ZNF611: variants seen among roughly 807,000 people sequenced by gnomAD.
The protein encoded by ZNF611 is zinc finger protein 611.
Under a neutral mutation model 8.9 loss-of-function variants are expected in ZNF611, and 6 were observed. The observed-to-expected ratio is 0.68, with a 90% CI of 0.37 to 1.34. The LOEUF is 1.34. ZNF611 is among the 40% of genes most tolerant of loss of function. The pLI, the probability that ZNF611 is intolerant of heterozygous loss-of-function variation, is 0.02. For synonymous variants in ZNF611, 262 were observed against 279.7 expected (o/e 0.94, Z 0.63); for missense variants, 874 against 841.3 (o/e 1.04, Z -0.48).
At chr19:52,727,488 T>C (rs985271383) in intron 3 of ZNF611, among the ~76,000 whole-genome samples, 7 of 152,194 alleles carry the variant, frequency 4.6e-5, no homozygotes, top group African/African-American at 1.7e-4. Flanking sequence ...TACTTGGTAA[T>C]GGAGGTGACC....
intron 1 of ZNF611, among the ~76,000 whole-genome samples, 159 bp from the exon 2 acceptor site, chr19:52,730,164 C>T (rs1013988087): frequency 1.3e-5 from 2 of 151,876 alleles, no homozygotes; most frequent in African/African-American, 4.8e-5. Flanking sequence ...GATTCCGAGG[C>T]GGGCGGATGA....
At chr19:52,728,178 T>C (rs1270260350) in intron 3 of ZNF611, among the ~76,000 whole-genome samples, 1 of 151,994 alleles carries the variant, frequency 6.6e-6, no homozygotes, top group Non-Finnish European at 1.5e-5. Flanking sequence ...AGTGGTGGGA[T>C]TACAGGCGTG....
At chr19:52,706,896 T>A in intron 5 of ZNF611, 32 bp from the exon 6 acceptor site, 1 of 1,586,960 alleles carries the variant, frequency 6.3e-7, no homozygotes. Flanking sequence ...ACATTTCCAA[T>A]TAAGTACAGA....
chr19:52,724,795 C>T (rs1454143002), intron 3 of ZNF611: 2 of 152,666 alleles, frequency 1.3e-5, no homozygotes, highest in African/African-American at 4.8e-5. Flanking sequence ...GGCTCCAAAT[C>T]CCTCCTCCTC....
At chr19:52,727,907 CTTTTT>C (rs11319896) in intron 3 of ZNF611, among the ~76,000 whole-genome samples, 2 of 105,882 alleles carry the variant, frequency 1.9e-5, no homozygotes, top group Non-Finnish European at 1.9e-5. Context: ...TGTTGTGTGC[CTTTTT>C]TTTTTTTTTT....
Position 52,705,105 on chromosome 19 carries a change from G to C in ZNF611, c.1950C>G (p.Tyr650Ter). 2.5e-6 allele frequency: 4 copies of C among 1,614,144 alleles called. No homozygotes were observed. The highest frequency in any genetic ancestry group is 3.4e-6 in the Non-Finnish European group (4 of 1,180,044). ...HRRLHTGEKSYKCTICDKAFV... is the reference protein window; with the variant it reads ...HRRLHTGEKS ...AAGCCTTGTCACAAATTGTACATTT[G>C]TAAGATTTCTCTCCAGTATGAAGTC... The change falls in exon 6 of 6, where the codon TAC becomes TAG. Residue 650 changes from tyrosine (Y) to a stop codon, truncating the protein, a stop_gained. Coordinates refer to ENST00000652185, the MANE Select transcript of ZNF611 (RefSeq NM_001161499.2). LOFTEE classifies it low-confidence loss of function (END_TRUNC).
rs569542445 is a variant in ZNF611 at position 52,728,339 on chromosome 19, G to C, written c.-20+391C>G. 1.8e-3 allele frequency among the ~76,000 whole-genome samples: 274 copies of C among 152,264 alleles called. 1 individual carries two copies. The highest frequency in any genetic ancestry group is 3.2e-3 in the Non-Finnish European group (217 of 68,022). ...GGATCATCTGAAATCAGAAGTTCAA[G>C]ACCAGCCTGGCCAACATGGTGAAAC... On this transcript the variant is annotated intron_variant, in intron 3 of 5. Coordinates refer to ENST00000652185, the MANE Select transcript of ZNF611 (RefSeq NM_001161499.2).
intron 5 of ZNF611, 35 bp downstream of exon 5, chr19:52,713,980 C>T (rs1234336747): frequency 6.2e-7 from 1 of 1,612,396 alleles, no homozygotes; most frequent in South Asian, 1.1e-5. Context: ...TAGACAAGAG[C>T]AGACTCCTCA....
intron 3 of ZNF611, 118 bp downstream of exon 3, chr19:52,728,612 A>G (rs576397998): frequency 1.3e-5 from 2 of 152,360 alleles, no homozygotes; most frequent in South Asian, 4.1e-4. Flanking sequence ...AATTTTCTAA[A>G]TAAATCTCCT....
At chr19:52,709,677 C>T (rs1266316198) in intron 5 of ZNF611, among the ~76,000 whole-genome samples, 1 of 152,136 alleles carries the variant, frequency 6.6e-6, no homozygotes, top group Non-Finnish European at 1.5e-5. Flanking sequence ...AAGCGATTCT[C>T]CTGCCTCAGC....
At chr19:52,710,941 G>A (rs374023456) in intron 5 of ZNF611, among the ~76,000 whole-genome samples, 2 of 149,602 alleles carry the variant, frequency 1.3e-5, no homozygotes, top group East Asian at 3.9e-4. Flanking sequence ...CCTGAGGCAG[G>A]ACAATCACTT....
chr19:52,705,967 A>T lies in ZNF611; in HGVS notation c.1088T>A (p.Ile363Asn). Residue 363 changes from isoleucine (I) to asparagine (N), a missense_variant, in exon 6 of 6, where the codon ATT becomes AAT. By Grantham distance (149) the Ile-to-Asn change is moderately radical. Coordinates refer to ENST00000652185, the MANE Select transcript of ZNF611 (RefSeq NM_001161499.2). ...TTTGTAAGGTTTCTCTCCAGTATGAATTCTATGATGTGAAAGTTGTGATTG... is the reference window on the plus strand; with the variant it reads ...TTTGTAAGGTTTCTCTCCAGTATGATTTCTATGATGTGAAAGTTGTGATTG... Reference protein sequence around the residue: ...NQQSQLSHHRIHTGEKPYKCE... With the variant: ...NQQSQLSHHRNHTGEKPYKCE... The T allele has an allele frequency of 2.5e-6, 4 of 1,614,082 alleles. No homozygotes were observed. Among genetic ancestry groups the T allele is most frequent in the Non-Finnish European group, 3.4e-6 (4 of 1,180,016 alleles).
At chr19:52,731,965 C>T (rs2062428385) in intron 1 of ZNF611, among the ~76,000 whole-genome samples, 1 of 149,088 alleles carries the variant, frequency 6.7e-6, no homozygotes, top group African/African-American at 2.5e-5. Context: ...GAGCAAAATT[C>T]CCTCTCAAAA....
rs1264613842 is a variant in ZNF611, at chr19:52,706,793, C to T, written c.262G>A (p.Gly88Arg). The T allele has an allele frequency of 6.2e-7, 1 of 1,613,722 alleles. No individual in the cohort carries two copies. The highest frequency in any genetic ancestry group is 1.3e-5 in the African/African-American group (1 of 74,902). ...TGACTTTCATGTCTTTGCAATGTCC[C>T]TGTGTGGATCACTTCTGTATTGCCT... ...GQGNTEVIHT[G>R]TLQRHESHHI... is the part of the protein sequence containing the mutation. The change falls in exon 6 of 6, where the codon GGG (glycine) becomes AGG (arginine). Residue 88 changes from glycine (G) to arginine (R), a missense_variant. Gly to Arg is a moderately radical substitution (Grantham distance 125). Transcript: ENST00000652185.
intron 3 of ZNF611, chr19:52,717,666 A>C: frequency 1.0e-6 from 1 of 984,436 alleles, no homozygotes; most frequent in Non-Finnish European, 1.2e-6. Context: ...CAAGGTTCCA[A>C]GTCAATCCAG....
At chr19:52,734,282 T>C (rs974435671) in intron 1 of ZNF611, among the ~76,000 whole-genome samples, 4 of 152,142 alleles carry the variant, frequency 2.6e-5, no homozygotes, top group African/African-American at 9.6e-5. Context: ...TATTCTTCTT[T>C]TCTCTGCCTC....
At chr19:52,718,742 G>T (rs916876765) in intron 3 of ZNF611, among the ~76,000 whole-genome samples, 1 of 151,964 alleles carries the variant, frequency 6.6e-6, no homozygotes, top group South Asian at 2.1e-4. Context: ...ACTTTGCAGT[G>T]AACCAAGATC....
At chr19:52,728,487 G>A (rs575909824) in intron 3 of ZNF611, among the ~76,000 whole-genome samples, 14 of 152,050 alleles carry the variant, frequency 9.2e-5, no homozygotes, top group African/African-American at 3.1e-4. Flanking sequence ...GCAGTGAGCC[G>A]AGATCGCACC....
chr19:52,732,053 G>A (rs1244903187), intron 1 of ZNF611, among the ~76,000 whole-genome samples: 4 of 151,766 alleles, frequency 2.6e-5, no homozygotes, highest in Non-Finnish European at 4.4e-5. Context: ...GGCGGATCAC[G>A]AGGTCAGGAG....
Sources: allele counts gnomAD v4.1 joint callset (sites outside exome capture counted in the v4.1 genomes callset), GRCh38; gene constraint gnomAD v4.1.1; transcripts MANE v1.5; gene names NCBI Gene and HGNC (gene_info 2026-07-23, HGNC 2026-07-21).